Variants in VWCE observed in about 807,000 individuals in gnomAD.
VWCE encodes the protein von Willebrand factor C and EGF domains, also known as von Willebrand factor C and EGF domain-containing protein.
VWCE carries 68 observed loss-of-function variants against 102.9 expected under a neutral mutation model. That is an observed-to-expected ratio of 0.66 (90% CI 0.54 to 0.81). The LOEUF (loss-of-function observed/expected upper bound fraction) is 0.81. VWCE is among the 30% of genes least tolerant of loss of function. VWCE has a pLI of 0.00. For synonymous variants in VWCE, 497 were observed against 515.4 expected (o/e 0.96, Z 0.48); for missense variants, 1,137 against 1,263.6 (o/e 0.90, Z 1.52).
chr11:61,264,333 G>T (rs1854445433), intron 19 of VWCE, among the ~76,000 whole-genome samples, 154 bp downstream of exon 19: 1 of 151,848 alleles, frequency 6.6e-6, no homozygotes, highest in African/African-American at 2.4e-5. Context: ...GGGTCAGCAG[G>T]CCACAGCACA....
At chr11:61,264,436 T>C in intron 19 of VWCE, 51 bp downstream of exon 19, 1 of 1,560,362 alleles carries the variant, frequency 6.4e-7, no homozygotes, top group South Asian at 1.2e-5. Context: ...GGAAGAAAAG[T>C]AAAATGGAAG....
In VWCE at chr11:61,259,203, A is replaced by G. The variant is rs767338973; in HGVS notation, c.2340T>C (p.Cys780=). The G allele has an allele frequency of 1.2e-6, 2 of 1,614,058 alleles. No individual in the cohort carries two copies. The highest frequency in any genetic ancestry group is 2.7e-5 in the African/African-American group (2 of 74,932). ...LHGDTEAPVN[C]SSCPGPPTAS... is the part of the protein sequence containing the mutation. ...CTGTCGGGGGCCCAGGACAGGAGCTACAGTTGACAGGGGCCTCAGTGTCTC... is the reference window on the plus strand; with the variant it reads ...CTGTCGGGGGCCCAGGACAGGAGCTGCAGTTGACAGGGGCCTCAGTGTCTC... The change falls in exon 20 of 20, where the codon TGT becomes TGC. Residue 780 remains cysteine, a synonymous_variant. Transcript: ENST00000335613.
intron 19 of VWCE, among the ~76,000 whole-genome samples, chr11:61,264,256 A>C (rs1284317849): frequency 1.3e-5 from 2 of 149,632 alleles, no homozygotes; most frequent in Non-Finnish European, 3.0e-5. Context: ...AAAAAAGCAG[A>C]AGAAGAAGAA....
Position 61,258,373 on chromosome 11 carries a change from C to T in VWCE, c.*302G>A, listed in dbSNP as rs536466202. The T allele has an allele frequency of 9.6e-4, 243 of 253,164 alleles. 8 individuals are homozygous for T. The South Asian group carries it at 0.036, about 37-fold the overall frequency. 15.7% of individuals were successfully genotyped at this position (253,164 alleles called of 1,614,324 possible). On this transcript the variant is annotated 3_prime_UTR_variant, in exon 20 of 20. Transcript: ENST00000335613. The stretch of plus-strand genomic sequence containing the variant: ...CAGTCCCAGTGAGTGGAATCCCAGC[C>T]GGACGCAACTCTTCCTCCAGGAGAA...
chr11:61,285,710 C>T (rs905584572), intron 5 of VWCE, among the ~76,000 whole-genome samples: 1 of 152,300 alleles, frequency 6.6e-6, no homozygotes, highest in East Asian at 1.9e-4. Context: ...GCTCTCCTCA[C>T]GGCCTCTCCT....
At chr11:61,261,003 T>C (rs1252304741) in intron 19 of VWCE, among the ~76,000 whole-genome samples, 1 of 152,114 alleles carries the variant, frequency 6.6e-6, no homozygotes, top group Non-Finnish European at 1.5e-5. Flanking sequence ...GGTGGACAGA[T>C]CACTTGAGGT....
intron 5 of VWCE, among the ~76,000 whole-genome samples, chr11:61,284,474 G>A (rs1243271935): frequency 6.6e-6 from 1 of 152,142 alleles, no homozygotes; most frequent in Non-Finnish European, 1.5e-5. Context: ...GCACACAGCA[G>A]ACCAATGCCT....
intron 4 of VWCE, among the ~76,000 whole-genome samples, chr11:61,290,540 C>T (rs1590660185): frequency 6.7e-6 from 1 of 148,298 alleles, no homozygotes; most frequent in East Asian, 2.0e-4. Flanking sequence ...AACTCCCTAA[C>T]AGGGACCAAC....
Position 61,284,208 on chromosome 11 carries a change from A to C in VWCE, c.542-1303T>G, listed in dbSNP as rs553803339. Among the ~76,000 whole-genome samples, 3 of 152,268 alleles carry C rather than the reference A, an allele frequency of 2.0e-5. No individual in the cohort carries two copies. The East Asian group carries it at 5.8e-4, about 29-fold the overall frequency. The stretch of plus-strand genomic sequence containing the variant: ...GCAAGACCTCATCTCTACAAAAAAA[A>C]AACAAAGAAAGAAAGAAGAAAAAAA... On this transcript the variant is annotated intron_variant, in intron 5 of 19. Coordinates refer to ENST00000335613, the MANE Select transcript of VWCE (RefSeq NM_152718.2).
chr11:61,261,471 A>G (rs1033620304), intron 19 of VWCE, among the ~76,000 whole-genome samples: 2 of 152,040 alleles, frequency 1.3e-5, no homozygotes, highest in Admixed American at 6.6e-5. Context: ...GGCTGGGCTC[A>G]GTGGCTCATG....
intron 19 of VWCE, among the ~76,000 whole-genome samples, chr11:61,263,044 C>T (rs565514785): frequency 3.3e-5 from 5 of 152,312 alleles, no homozygotes; most frequent in South Asian, 2.1e-4. Flanking sequence ...TACAGGCTCA[C>T]GCCTGTAATC....
rs576081118 is a variant in VWCE, at chr11:61,281,714, TG to T, written c.787+71del. 1.4e-5 allele frequency: 19 copies of T among 1,328,110 alleles called. No homozygotes were observed. The South Asian group carries it at 1.9e-4, about 13-fold the overall frequency. The allele number at this position is 1,328,110 out of a possible 1,614,324, so 82.3% of individuals were successfully genotyped here. On this transcript the variant is annotated intron_variant, in intron 7 of 19. Coordinates refer to ENST00000335613, the MANE Select transcript of VWCE (RefSeq NM_152718.2). The stretch of plus-strand genomic sequence containing the variant: ...GGCGTGACGGGGAGGGGCCAGGCTA[TG>T]GGGGGGCGTAGCTGGGGCAGGCACT...
At chr11:61,280,550 C>T in intron 9 of VWCE, 74 bp downstream of exon 9, 1 of 1,476,570 alleles carries the variant, frequency 6.8e-7, no homozygotes, top group Non-Finnish European at 9.3e-7. Flanking sequence ...TGTTAAAGAA[C>T]AGCCTTTTGG....
rs79918737 is a variant in VWCE, at chr11:61,265,360, G to A, written c.1966-148C>T. 1,355 of 667,332 alleles carry A rather than the reference G, an allele frequency of 2.0e-3. 17 individuals are homozygous for A. The African/African-American group carries it at 0.023, about 11-fold the overall frequency. 41.3% of individuals were successfully genotyped at this position (667,332 alleles called of 1,614,324 possible). On this transcript the variant is annotated intron_variant, in intron 16 of 19. Coordinates refer to ENST00000335613, the MANE Select transcript of VWCE (RefSeq NM_152718.2). ...ATGGTGGGGCAGTGGGGCAGGGGGC[G>A]CATTTTCTCTGTTGGGGTCCAACTT... is the stretch of plus-strand genomic sequence containing the variant.
chr11:61,295,012 G>A lies in VWCE; in HGVS notation c.26C>T (p.Ala9Val), dbSNP rs1855631281. The A allele has an allele frequency of 1.4e-6, 2 of 1,468,652 alleles. No homozygotes were observed. The highest frequency in any genetic ancestry group is 1.8e-6 in the Non-Finnish European group (2 of 1,110,968). 91.0% of individuals were successfully genotyped at this position (1,468,652 alleles called of 1,614,324 possible). Reference sequence around the variant, plus strand: ...CGGCAGCAGGAGCGCGACACAGGCGGCCCGAAGGAGCAGTCCGGCCCACAT... The same window carrying A: ...CGGCAGCAGGAGCGCGACACAGGCGACCCGAAGGAGCAGTCCGGCCCACAT... MWAGLLLR[A>V]ACVALLLPGA... The change falls in exon 1 of 20, where the codon GCC (alanine) becomes GTC (valine). Residue 9 changes from alanine (A) to valine (V), a missense_variant. Around this residue, in one of 5 missense-constraint regions of VWCE, gnomAD observed 575 missense variants for 625.9 expected, o/e 0.92. Coordinates refer to ENST00000335613, the MANE Select transcript of VWCE (RefSeq NM_152718.2). This position sits in a 1 kb window ranked among gnomAD's most constrained non-coding sequence, Gnocchi z 4.6.
At chr11:61,261,731 A>G (rs1473394914) in intron 19 of VWCE, among the ~76,000 whole-genome samples, 1 of 151,170 alleles carries the variant, frequency 6.6e-6, no homozygotes, top group African/African-American at 2.4e-5. Flanking sequence ...GCTTGAGCCC[A>G]GGGGTCGAGG....
intron 4 of VWCE, among the ~76,000 whole-genome samples, chr11:61,287,306 C>T (rs965583239): frequency 5.9e-5 from 9 of 152,104 alleles, no homozygotes; most frequent in African/African-American, 1.9e-4. Context: ...AAGGAAGAGG[C>T]CAAGGGACTG....
chr11:61,259,812 T>G (rs1590603935), intron 19 of VWCE, among the ~76,000 whole-genome samples: 1 of 152,192 alleles, frequency 6.6e-6, no homozygotes, highest in Non-Finnish European at 1.5e-5. Context: ...ATCATCAAAC[T>G]GCTCTAAAAA....
At chr11:61,277,337 A>G (rs1339097675) in intron 10 of VWCE, among the ~76,000 whole-genome samples, 1 of 151,176 alleles carries the variant, frequency 6.6e-6, no homozygotes, top group Non-Finnish European at 1.5e-5. Context: ...GACCCGGTGC[A>G]GTGGCTCATC....
Sources: allele counts gnomAD v4.1 joint callset (sites outside exome capture counted in the v4.1 genomes callset), GRCh38; gene constraint gnomAD v4.1.1; regional missense constraint gnomAD v4.1.1; non-coding constraint Gnocchi (gnomAD v3.1); transcripts MANE v1.5; gene names NCBI Gene and HGNC (gene_info 2026-07-23, HGNC 2026-07-21).